The following C12orf42 variants were observed in gnomAD, a reference collection of about 807,000 sequenced individuals.
The protein encoded by C12orf42 is chromosome 12 open reading frame 42.
In C12orf42, 25 loss-of-function variants were observed where a neutral mutation model predicts 21.6. The observed-to-expected ratio is 1.16, with a 90% CI of 0.84 to 1.62. C12orf42 has a LOEUF of 1.62. Ranked by LOEUF, C12orf42 falls within the 40% of genes most tolerant of loss-of-function variation. C12orf42 has a pLI of 0.00. For synonymous variants in C12orf42, 174 were observed against 175.0 expected, an observed-to-expected ratio of 0.99 and a Z score of 0.05; for missense variants, 483 against 459.3, an observed-to-expected ratio of 1.05 and a Z score of -0.47.
At chr12:103,422,765 C>T (rs532036439) in intron 2 of C12orf42, among the ~76,000 whole-genome samples, 1 of 150,940 alleles carries the variant, frequency 6.6e-6, no homozygotes, top group Non-Finnish European at 1.5e-5. Context: ...AAGACTGTAA[C>T]TGTAACAAGA....
chr12:103,554,143 T>C, the C12orf42 span, among the ~76,000 whole-genome samples: 1 of 152,116 alleles, frequency 6.6e-6, no homozygotes, highest in Non-Finnish European at 1.5e-5. Context: ...TGGATAGAGC[T>C]CCAAAGCAGC....
At chr12:103,349,342 TG>T (rs1398409781) in intron 4 of C12orf42, 1 of 151,230 alleles carries the variant, frequency 6.6e-6, no homozygotes, top group Non-Finnish European at 1.5e-5. Context: ...AACAAAGAAA[TG>T]AAAGTTGTGA....
downstream of C12orf42, chr12:103,267,828 G>A (rs1221365816): frequency 1.3e-5 from 2 of 151,998 alleles, no homozygotes; most frequent in Non-Finnish European, 2.9e-5. Flanking sequence ...ATGGGAAATG[G>A]GAACAAATGT....
chr12:103,225,422 A>T, the C12orf42 span, among the ~76,000 whole-genome samples: 1 of 152,124 alleles, frequency 6.6e-6, no homozygotes, highest in African/African-American at 2.4e-5. Flanking sequence ...GGGACGGGAT[A>T]TTGGCGTTGA....
chr12:103,189,984 T>TATATATATACAC, the C12orf42 span, among the ~76,000 whole-genome samples: 2 of 151,206 alleles, frequency 1.3e-5, no homozygotes, highest in East Asian at 3.9e-4. Flanking sequence ...TATATATATA[T>TATATATATACAC]ACACACACAC....
At chr12:103,557,529 C>T in the C12orf42 span, 1 of 152,196 alleles carries the variant, frequency 6.6e-6, no homozygotes, top group East Asian at 1.9e-4. Flanking sequence ...GGCCACATGA[C>T]AAGGTGATGT....
intron 4 of C12orf42, among the ~76,000 whole-genome samples, chr12:103,363,964 T>C (rs969724624): frequency 2.6e-5 from 4 of 152,082 alleles, no homozygotes; most frequent in East Asian, 1.9e-4. Context: ...AAAGAAACAA[T>C]GGATTTAAAC....
the C12orf42 span, among the ~76,000 whole-genome samples, chr12:103,094,185 G>T: frequency 1.3e-5 from 2 of 152,096 alleles, no homozygotes; most frequent in African/African-American, 4.8e-5. Flanking sequence ...TACATCCTTG[G>T]TTTCTCATTC....
chr12:103,210,858 G>C, the C12orf42 span, among the ~76,000 whole-genome samples: 1 of 151,706 alleles, frequency 6.6e-6, no homozygotes, highest in African/African-American at 2.4e-5. Flanking sequence ...GGGTGTGGTG[G>C]CATGTGCCTG....
intron 10 of C12orf42, among the ~76,000 whole-genome samples, chr12:103,260,764 T>C (rs2034857551): frequency 2.0e-5 from 3 of 152,204 alleles, no homozygotes; most frequent in Admixed American, 6.5e-5. Context: ...TGTTTTTGCA[T>C]AGTTTATCCA....
At chr12:103,072,068 T>C in the C12orf42 span, among the ~76,000 whole-genome samples, 2 of 152,270 alleles carry the variant, frequency 1.3e-5, no homozygotes, top group African/African-American at 2.4e-5. Context: ...AAGTCAGTGA[T>C]ACCATTTCTT....
chr12:103,402,090 A>G (rs1268100909), intron 2 of C12orf42, among the ~76,000 whole-genome samples: 1 of 152,206 alleles, frequency 6.6e-6, no homozygotes, highest in Non-Finnish European at 1.5e-5. Context: ...GCTGAGCCCA[A>G]TGCAGCCATA....
chr12:103,247,153 T>C (rs1244212221), intron 10 of C12orf42, among the ~76,000 whole-genome samples: 1 of 151,982 alleles, frequency 6.6e-6, no homozygotes, highest in Non-Finnish European at 1.5e-5. Flanking sequence ...CTGCAACAAG[T>C]ACCATTTTTT....
At chr12:103,301,199 T>A (rs1481314704), downstream of C12orf42, among the ~76,000 whole-genome samples, 3 of 152,282 alleles carry the variant, frequency 2.0e-5, no homozygotes, top group Admixed American at 6.5e-5. Flanking sequence ...AAATTTTTTT[T>A]AAATGCAGTA....
chr12:103,101,999 G>T, the C12orf42 span, among the ~76,000 whole-genome samples: 1 of 152,164 alleles, frequency 6.6e-6, no homozygotes, highest in South Asian at 2.1e-4. Context: ...GCCTCTTGAG[G>T]CCTAGAGTTA....
chr12:103,264,495 C>T (rs17033634), downstream of C12orf42, among the ~76,000 whole-genome samples: 5,290 of 152,180 alleles, frequency 0.035, 230 homozygotes, highest in East Asian at 0.19. Context: ...GTGCCCTCCA[C>T]AGTCCAGGCA....
the C12orf42 span, chr12:103,504,504 A>T: frequency 6.5e-6 from 1 of 153,556 alleles, no homozygotes; most frequent in Non-Finnish European, 1.5e-5. Flanking sequence ...ACAACGCCAG[A>T]TCTGGTATCA....
chr12:103,278,615 T>C (rs914484721), intron 4 of C12orf42, among the ~76,000 whole-genome samples: 2 of 152,242 alleles, frequency 1.3e-5, no homozygotes, highest in African/African-American at 4.8e-5. Context: ...AGTGGTCTCA[T>C]CACCCCTTGG....
chr12:103,333,679 A>T (rs1339419170), intron 4 of C12orf42, among the ~76,000 whole-genome samples: 3 of 152,216 alleles, frequency 2.0e-5, no homozygotes, highest in Non-Finnish European at 4.4e-5. Flanking sequence ...TTTCAATATT[A>T]TCTGGTTGTA....
Sources: gnomAD v4.1 joint callset for allele counts (sites outside exome capture counted in the v4.1 genomes callset) on GRCh38, gnomAD v4.1.1 for gene constraint, MANE v1.5 for transcripts, NCBI Gene and HGNC (gene_info 2026-07-23, HGNC 2026-07-21) for gene names.